ESYT3: variants seen among roughly 807,000 people sequenced by gnomAD.
ESYT3 encodes extended synaptotagmin-3.
In ESYT3, 101 loss-of-function variants were observed where a neutral mutation model predicts 111.5. The ratio of observed to expected loss-of-function variants is 0.91; its 90% CI spans 0.77 to 1.07. The LOEUF (loss-of-function observed/expected upper bound fraction) is 1.07, where lower values mean the gene tolerates loss of function less well. ESYT3 is among the 50% of genes least tolerant of loss of function. The pLI, the probability that ESYT3 is intolerant of heterozygous loss-of-function variation, is 0.00. For missense variants in ESYT3, 1,097 were observed against 1,109.4 expected (o/e 0.99, Z 0.16); for synonymous variants, 416 against 446.8 (o/e 0.93, Z 0.87).
intron 1 of ESYT3, among the ~76,000 whole-genome samples, chr3:138,439,760 G>C (rs111614061): frequency 3.9e-5 from 6 of 152,206 alleles, no homozygotes; most frequent in African/African-American, 1.4e-4. Context: ...AATGAGAGCC[G>C]GTAGTAGGAA....
In ESYT3 at chr3:138,459,866, C is replaced by T. The variant is rs1021600246; in HGVS notation, c.649-79C>T. 5.6e-6 allele frequency: 7 copies of T among 1,253,934 alleles called. 1 individual carries two copies. The highest frequency in any genetic ancestry group is 4.7e-4 in the Middle Eastern group (2 of 4,228). 77.7% of individuals were successfully genotyped at this position (1,253,934 alleles called of 1,614,324 possible). On this transcript the variant is annotated intron_variant, in intron 5 of 22. Transcript: ENST00000389567. ...GCAGCGTGGGCATGAAATGAGGCAGCAGATGGCCTCAGCTGAGCCCAGCAG... is the reference window on the plus strand; with the variant it reads ...GCAGCGTGGGCATGAAATGAGGCAGTAGATGGCCTCAGCTGAGCCCAGCAG...
chr3:138,462,092 G>A lies in ESYT3; in HGVS notation c.801G>A (p.Val267=). 1 of 1,614,124 alleles carries A rather than the reference G, an allele frequency of 6.2e-7. No individual in the cohort carries two copies. The highest frequency in any genetic ancestry group is 8.5e-7 in the Non-Finnish European group (1 of 1,180,024). The change falls in exon 8 of 23, where the codon GTG becomes GTA. Residue 267 remains valine (V), a synonymous_variant. Transcript: ENST00000389567. The part of the protein sequence containing the change: ...NLLDAPGIND[V]SDSLLEDLIA... Reference sequence around the variant, plus strand: ...GGTCCTGCCTTGTGTCCAGTGATGTGTCAGACAGCTTACTGGAGGACCTCA... The same window carrying A: ...GGTCCTGCCTTGTGTCCAGTGATGTATCAGACAGCTTACTGGAGGACCTCA...
intron 17 of ESYT3, among the ~76,000 whole-genome samples, chr3:138,472,047 C>A (rs1010566898): frequency 6.6e-6 from 1 of 152,194 alleles, no homozygotes; most frequent in Admixed American, 6.5e-5. Context: ...TCTTCTAACT[C>A]CCTGAATTCC....
intron 2 of ESYT3, among the ~76,000 whole-genome samples, chr3:138,453,763 T>C (rs1314363691): frequency 1.3e-5 from 2 of 152,182 alleles, no homozygotes; most frequent in Admixed American, 6.5e-5. Context: ...GGGTCCTGCA[T>C]GAATCCCCAG....
chr3:138,474,289 A>G lies in ESYT3; in HGVS notation c.2405A>G (p.Lys802Arg), dbSNP rs1481510893. Reference protein sequence around the residue: ...YVRVYLLPERKWACRKKTSVK... With the variant: ...YVRVYLLPERRWACRKKTSVK... The stretch of plus-strand genomic sequence containing the variant: ...CGTGTCTACTTGTTGCCAGAAAGGA[A>G]GTGGGCATGTCGTAAGAAGACTTCA... Residue 802 changes from lysine (K) to arginine (R), a missense_variant, in exon 20 of 23, where the codon AAG (lysine) becomes AGG (arginine). Lys to Arg is a conservative substitution (Grantham distance 26). Coordinates refer to ENST00000389567, the MANE Select transcript of ESYT3 (RefSeq NM_031913.5). The G allele has an allele frequency of 6.2e-7, 1 of 1,612,970 alleles. No individual in the cohort carries two copies. Among genetic ancestry groups the G allele is most frequent in the Non-Finnish European group, 8.5e-7 (1 of 1,179,728 alleles).
chr3:138,436,412 T>G (rs2030694440), intron 1 of ESYT3, among the ~76,000 whole-genome samples: 1 of 152,220 alleles, frequency 6.6e-6, no homozygotes, highest in South Asian at 2.1e-4. Flanking sequence ...TCATTTTAAC[T>G]TAATTACCAC....
chr3:138,440,058 ATAGAG>A lies in ESYT3; in HGVS notation c.327+4935_327+4939del, dbSNP rs2031025154. On this transcript the variant is annotated intron_variant, in intron 1 of 22. Coordinates refer to ENST00000389567, the MANE Select transcript of ESYT3 (RefSeq NM_031913.5). The surrounding 1 kb of genome is among the most constrained non-coding windows in gnomAD (Gnocchi z 4.2). Reference sequence around the variant, plus strand: ...ATCATGACATTTTAGGAGATGTTCTATAGAGTCTTCATAGCTGTAGGGTCTGCCAT... The same window carrying A: ...ATCATGACATTTTAGGAGATGTTCTATCTTCATAGCTGTAGGGTCTGCCAT... 6.6e-6 allele frequency among the ~76,000 whole-genome samples: 1 copy of A among 152,096 alleles called. No homozygotes were observed. The highest frequency in any genetic ancestry group is 2.1e-4 in the South Asian group (1 of 4,820).
chr3:138,471,116 GTGC>G, intron 17 of ESYT3, 90 bp downstream of exon 17: 1 of 1,057,802 alleles, frequency 9.5e-7, no homozygotes, highest in Non-Finnish European at 1.4e-6. Context: ...CACCTGCTGT[GTGC>G]CTGGAAGAAG....
chr3:138,475,218 T>A (rs2033426554), intron 20 of ESYT3, among the ~76,000 whole-genome samples: 1 of 152,152 alleles, frequency 6.6e-6, no homozygotes, highest in Non-Finnish European at 1.5e-5. Flanking sequence ...AGATTTTGCC[T>A]TCAAAGGGAG....
chr3:138,471,619 C>T (rs1424180716), intron 17 of ESYT3, among the ~76,000 whole-genome samples: 2 of 152,118 alleles, frequency 1.3e-5, no homozygotes, highest in Non-Finnish European at 2.9e-5. Context: ...TCTGTTGATG[C>T]TTTTTGATGG....
intron 1 of ESYT3, among the ~76,000 whole-genome samples, chr3:138,446,258 T>A (rs954595924): frequency 6.6e-6 from 1 of 152,190 alleles, no homozygotes; most frequent in Admixed American, 6.5e-5. Flanking sequence ...TGTGTGAGGT[T>A]TTCTTAGGAG....
intron 1 of ESYT3, among the ~76,000 whole-genome samples, chr3:138,436,166 T>C (rs192271320): frequency 4.6e-4 from 70 of 152,312 alleles, no homozygotes; most frequent in African/African-American, 1.7e-3. Context: ...ACTGTATCAG[T>C]CAGCCATAAC....
At chr3:138,471,612 G>C (rs564619411) in intron 17 of ESYT3, among the ~76,000 whole-genome samples, 1 of 152,142 alleles carries the variant, frequency 6.6e-6, no homozygotes, top group Non-Finnish European at 1.5e-5. Flanking sequence ...TGTTTTGTCT[G>C]TTGATGCTTT....
Position 138,452,132 on chromosome 3 carries a change from G to C in ESYT3, c.369+43G>C, listed in dbSNP as rs746900401. The C allele has an allele frequency of 2.5e-6, 4 of 1,595,110 alleles. No homozygotes were observed. The Admixed American group carries it at 6.7e-5, about 27-fold the overall frequency. On this transcript the variant is annotated intron_variant, in intron 2 of 22. Transcript: ENST00000389567. ...GCCTAGCAGGGCCGGACGCATGCCA[G>C]CCTCGTCCTCCCCGCGGCTGTCACC...
intron 3 of ESYT3, among the ~76,000 whole-genome samples, chr3:138,456,664 T>A (rs553027889): frequency 6.6e-6 from 1 of 152,146 alleles, no homozygotes; most frequent in Non-Finnish European, 1.5e-5. Flanking sequence ...GAACTGCGCA[T>A]GTGAGGGATC....
At chr3:138,459,367 C>A in intron 5 of ESYT3, 114 bp downstream of exon 5, 1 of 773,472 alleles carries the variant, frequency 1.3e-6, no homozygotes, top group Non-Finnish European at 2.0e-6. Flanking sequence ...ACACTAAACA[C>A]AGAGGATGGT....
chr3:138,481,100 CTG>C (rs1391384298), downstream of ESYT3: 1 of 152,206 alleles, frequency 6.6e-6, no homozygotes, highest in African/African-American at 2.4e-5. Flanking sequence ...GTATATTAGA[CTG>C]TGTAAAGCAA....
downstream of ESYT3, chr3:138,480,773 T>C (rs760251475): frequency 2.0e-5 from 3 of 152,206 alleles, no homozygotes; most frequent in Non-Finnish European, 2.9e-5. Context: ...GTTGTGTGTG[T>C]AACTTGATAA....
intron 14 of ESYT3, 124 bp downstream of exon 14, chr3:138,469,005 G>T: frequency 9.6e-7 from 1 of 1,038,048 alleles, no homozygotes; most frequent in South Asian, 1.3e-5. Context: ...ATAACAAGAG[G>T]TGCTGATTGT....
Sources: allele counts gnomAD v4.1 joint callset (sites outside exome capture counted in the v4.1 genomes callset), GRCh38; gene constraint gnomAD v4.1.1; non-coding constraint Gnocchi (gnomAD v3.1); transcripts MANE v1.5; gene names NCBI Gene and HGNC (gene_info 2026-07-23, HGNC 2026-07-21).